The following APBA1 variants were observed in gnomAD, a reference collection of about 807,000 sequenced individuals.
APBA1 encodes amyloid-beta A4 precursor protein-binding family A member 1.
A neutral mutation model predicts 86.6 loss-of-function variants in APBA1; 55 were observed. That is an observed-to-expected ratio of 0.64 (90% CI 0.51 to 0.80). APBA1 has a LOEUF of 0.80. Ranked by LOEUF, APBA1 falls within the 30% of genes least tolerant of loss-of-function variation. APBA1 has a pLI of 0.00. For synonymous variants in APBA1, 511 were observed against 493.9 expected, an observed-to-expected ratio of 1.03 and a Z score of -0.46; for missense variants, 1,090 against 1,183.0, an observed-to-expected ratio of 0.92 and a Z score of 1.15.
At chr9:69,449,476 G>A (rs985726747) in intron 10 of APBA1, 108 bp downstream of exon 10, 34 of 1,030,642 alleles carry the variant, frequency 3.3e-5, no homozygotes, top group Non-Finnish European at 4.7e-5. Context: ...GTCTTCCTTG[G>A]TGCCTGACAC....
At chr9:69,625,133 A>G (rs143484869) in intron 1 of APBA1, among the ~76,000 whole-genome samples, 4 of 152,280 alleles carry the variant, frequency 2.6e-5, no homozygotes, top group African/African-American at 9.6e-5. Context: ...CACTTTCCCC[A>G]TTCCTAGTAC....
At chr9:69,538,707 T>C (rs1836552166) in intron 1 of APBA1, among the ~76,000 whole-genome samples, 1 of 152,222 alleles carries the variant, frequency 6.6e-6, no homozygotes, top group Non-Finnish European at 1.5e-5. Flanking sequence ...GACTCTAAAC[T>C]TCTATAAACT....
rs143725755 is a variant in APBA1, at chr9:69,536,351, T to C, written c.-69-19072A>G. 2.8e-3 allele frequency among the ~76,000 whole-genome samples: 421 copies of C among 151,990 alleles called. 3 individuals are homozygous for C. The highest frequency in any genetic ancestry group is 9.6e-3 in the African/African-American group (398 of 41,522). ...AAACTAGGGAGAATGGTGTAATGAT[T>C]CTCCTTATTTGCTTGAGAGGATTAA... On this transcript the variant is annotated intron_variant, in intron 1 of 12. Coordinates refer to ENST00000265381, the MANE Select transcript of APBA1 (RefSeq NM_001163.4).
intron 1 of APBA1, among the ~76,000 whole-genome samples, chr9:69,658,298 C>T (rs376539539): frequency 0.33 from 27,099 of 81,500 alleles, 5,223 homozygotes; most frequent in South Asian, 0.41. Flanking sequence ...CTCTCTTTCT[C>T]TCTCTCTCTT....
At chr9:69,599,478 C>T (rs1468440761) in intron 1 of APBA1, among the ~76,000 whole-genome samples, 4 of 152,274 alleles carry the variant, frequency 2.6e-5, no homozygotes, top group East Asian at 1.9e-4. Flanking sequence ...TCAAATTGTT[C>T]GGTAAAACAC....
intron 2 of APBA1, among the ~76,000 whole-genome samples, chr9:69,482,778 G>A (rs1835537014): frequency 6.6e-6 from 1 of 151,812 alleles, no homozygotes; most frequent in Admixed American, 6.6e-5. Context: ...TATACACCAT[G>A]GAATACTATG....
At chr9:69,439,993 CTTCT>C (rs1834783559) in intron 11 of APBA1, among the ~76,000 whole-genome samples, 1 of 152,128 alleles carries the variant, frequency 6.6e-6, no homozygotes, top group African/African-American at 2.4e-5. Context: ...GTTAGTTTTC[CTTCT>C]AACAGTCAGG....
At chr9:69,651,059 T>C (rs1027056647) in intron 1 of APBA1, among the ~76,000 whole-genome samples, 1 of 152,232 alleles carries the variant, frequency 6.6e-6, no homozygotes, top group Admixed American at 6.5e-5. Context: ...TGTATGTTTA[T>C]ACAACTGAAT....
intron 1 of APBA1, among the ~76,000 whole-genome samples, chr9:69,659,126 A>G (rs1040455315): frequency 2.0e-5 from 3 of 152,156 alleles, no homozygotes; most frequent in African/African-American, 7.2e-5. Flanking sequence ...CTGACCTAAG[A>G]CATCTGCAAA....
intron 1 of APBA1, among the ~76,000 whole-genome samples, chr9:69,549,155 G>A (rs1040741208): frequency 7.9e-5 from 12 of 152,318 alleles, no homozygotes; most frequent in Non-Finnish European, 1.6e-4. Context: ...AAGCGCCAAC[G>A]CCAAACAAAT....
chr9:69,582,918 G>GA (rs1251063537), intron 1 of APBA1, among the ~76,000 whole-genome samples: 1 of 152,166 alleles, frequency 6.6e-6, no homozygotes. Flanking sequence ...AATGAATGAA[G>GA]AAAAATACAA....
At chr9:69,609,129 T>C (rs368248108) in intron 1 of APBA1, among the ~76,000 whole-genome samples, 14 of 152,314 alleles carry the variant, frequency 9.2e-5, no homozygotes, top group African/African-American at 3.1e-4. Context: ...TCACACTGAT[T>C]CCTTCTGGGC....
chr9:69,622,646 T>C (rs548524137), intron 1 of APBA1, among the ~76,000 whole-genome samples: 15 of 151,732 alleles, frequency 9.9e-5, no homozygotes, highest in Non-Finnish European at 1.8e-4. Flanking sequence ...CATTTGGGAA[T>C]AAAGGGAAAT....
intron 10 of APBA1, among the ~76,000 whole-genome samples, chr9:69,447,183 G>A (rs1219888800): frequency 1.3e-5 from 2 of 152,076 alleles, no homozygotes; most frequent in Non-Finnish European, 2.9e-5. Flanking sequence ...ACTTCCTAAA[G>A]GCTCCACCTC....
chr9:69,530,447 A>G (rs1255681325), intron 1 of APBA1, among the ~76,000 whole-genome samples: 1 of 151,988 alleles, frequency 6.6e-6, no homozygotes, highest in Non-Finnish European at 1.5e-5. Context: ...TCATTATTCT[A>G]AGTGAACTAA....
rs1192606418 is a variant in APBA1, at chr9:69,427,609, A to C, written c.*3718T>G. The C allele has an allele frequency of 1.3e-5, 2 of 151,840 alleles. No homozygotes were observed. The highest frequency in any genetic ancestry group is 2.9e-5 in the Non-Finnish European group (2 of 67,934). The allele number at this position is 151,840 out of a possible 1,614,324, so 9.4% of individuals were successfully genotyped here. ...CGTTCAGTTAAATAAAGGAAGATAG[A>C]TAGCACAGTAAATACATCACAACCC... is the stretch of plus-strand genomic sequence containing the variant. On this transcript the variant is annotated 3_prime_UTR_variant, in exon 13 of 13. Coordinates refer to ENST00000265381, the MANE Select transcript of APBA1 (RefSeq NM_001163.4).
chr9:69,580,178 C>CAA (rs1428026026), intron 1 of APBA1, among the ~76,000 whole-genome samples: 2 of 152,094 alleles, frequency 1.3e-5, no homozygotes, highest in African/African-American at 4.8e-5. Flanking sequence ...TTTTGCTTGC[C>CAA]AAACGTTATT....
At chr9:69,596,713 C>T (rs1822237125) in intron 1 of APBA1, among the ~76,000 whole-genome samples, 1 of 152,212 alleles carries the variant, frequency 6.6e-6, no homozygotes, top group Non-Finnish European at 1.5e-5. Context: ...TATTCTGGTG[C>T]CACATATCCA....
chr9:69,467,350 T>G (rs1835295170), intron 5 of APBA1, among the ~76,000 whole-genome samples: 2 of 152,194 alleles, frequency 1.3e-5, no homozygotes. Flanking sequence ...CAGGTTAGAT[T>G]TGATCAAAGG....
Sources: gnomAD v4.1 joint callset for allele counts (sites outside exome capture counted in the v4.1 genomes callset) on GRCh38, gnomAD v4.1.1 for gene constraint, MANE v1.5 for transcripts, NCBI Gene and HGNC (gene_info 2026-07-23, HGNC 2026-07-21) for gene names.